The following CHL1 variants were observed in gnomAD, a reference collection of about 807,000 sequenced individuals.
The protein encoded by CHL1 is cell adhesion molecule L1 like, also known as neural cell adhesion molecule L1-like protein.
A neutral mutation model predicts 141.9 loss-of-function variants in CHL1; 96 were observed. That is an observed-to-expected ratio of 0.68 (90% CI 0.57 to 0.80). The LOEUF is 0.80. CHL1 is among the 30% of genes least tolerant of loss of function. CHL1 has a pLI of 0.00. For synonymous variants in CHL1, 613 were observed against 502.2 expected (o/e 1.22, Z -2.95); for missense variants, 1,820 against 1,457.2 (o/e 1.25, Z -4.05).
intron 2 of CHL1, among the ~76,000 whole-genome samples, chr3:281,543 T>C (rs1237043732): frequency 6.6e-6 from 1 of 150,386 alleles, no homozygotes; most frequent in East Asian, 1.9e-4. Flanking sequence ...ATTTGTTTTA[T>C]TTTTCCAATT....
In CHL1 at chr3:391,699, A is replaced by G; in HGVS notation, c.2816A>G (p.Lys939Arg). Residue 939 changes from lysine to arginine, a missense_variant, in exon 23 of 28, where the codon AAG becomes AGG. Lys to Arg is a conservative substitution (Grantham distance 26). Transcript: ENST00000256509. ...EGVPEQPTFL[K>R]VIKVDKDTAT... Reference sequence around the variant, plus strand: ...GTACCTGAACAGCCAACTTTTCTAAAGGTCATCAAAGTTGATAAAGACACT... The same window carrying G: ...GTACCTGAACAGCCAACTTTTCTAAGGGTCATCAAAGTTGATAAAGACACT... 6.2e-7 allele frequency: 1 copy of G among 1,605,066 alleles called. No individual in the cohort carries two copies. Among genetic ancestry groups the G allele is most frequent in the Non-Finnish European group, 8.5e-7 (1 of 1,175,056 alleles).
rs142693068 is a variant in CHL1, at chr3:294,416, C to A, written c.-94-25267C>A. Among the ~76,000 whole-genome samples the A allele has an allele frequency of 3.6e-4, 55 of 152,196 alleles. 1 individual carries two copies. The highest frequency in any genetic ancestry group is 1.2e-3 in the African/African-American group (51 of 41,516). On this transcript the variant is annotated intron_variant, in intron 2 of 27. Transcript: ENST00000256509. Reference sequence around the variant, plus strand: ...AACGAGGAAGGTAAATTAATCAGGACCTTCCCAAGTTACCCATGTAATATT... The same window carrying A: ...AACGAGGAAGGTAAATTAATCAGGAACTTCCCAAGTTACCCATGTAATATT...
At chr3:344,120 A>G (rs552539780) in intron 8 of CHL1, among the ~76,000 whole-genome samples, 1 of 152,296 alleles carries the variant, frequency 6.6e-6, no homozygotes, top group African/African-American at 2.4e-5. Flanking sequence ...AAATTCATAG[A>G]TGCCTAGTGT....
chr3:374,386 T>A (rs1048275913), intron 15 of CHL1, among the ~76,000 whole-genome samples: 4 of 152,196 alleles, frequency 2.6e-5, no homozygotes, highest in African/African-American at 9.6e-5. Context: ...GCCTAAATTC[T>A]GCCTCTTTTG....
At chr3:308,100 C>G (rs1241258345) in intron 2 of CHL1, among the ~76,000 whole-genome samples, 1 of 152,142 alleles carries the variant, frequency 6.6e-6, no homozygotes, top group Non-Finnish European at 1.5e-5. Flanking sequence ...GTTTTACATT[C>G]AGATCCATAT....
chr3:316,892 C>T (rs1159570808), intron 2 of CHL1, among the ~76,000 whole-genome samples: 1 of 151,972 alleles, frequency 6.6e-6, no homozygotes, highest in Non-Finnish European at 1.5e-5. Context: ...GCCATTGTTT[C>T]AAGAAAGATA....
chr3:362,670 G>A (rs1406011973), intron 13 of CHL1, among the ~76,000 whole-genome samples: 1 of 152,078 alleles, frequency 6.6e-6, no homozygotes, highest in Non-Finnish European at 1.5e-5. Flanking sequence ...CAAATGTACA[G>A]GGTAAATCAA....
At chr3:365,487 G>T (rs1410243690) in intron 14 of CHL1, among the ~76,000 whole-genome samples, 3 of 152,138 alleles carry the variant, frequency 2.0e-5, no homozygotes, top group African/African-American at 7.2e-5. Context: ...TTGCTTTCTA[G>T]TTCCCCACCT....
chr3:278,643 G>A (rs756743308), intron 2 of CHL1, among the ~76,000 whole-genome samples: 4 of 152,168 alleles, frequency 2.6e-5, no homozygotes, highest in Non-Finnish European at 4.4e-5. Flanking sequence ...TAAAAAGGAT[G>A]AGAATAAATT....
At chr3:321,617 C>T (rs1363271012) in intron 3 of CHL1, among the ~76,000 whole-genome samples, 2 of 152,054 alleles carry the variant, frequency 1.3e-5, no homozygotes, top group Admixed American at 1.3e-4. Flanking sequence ...TCATTTCTTA[C>T]TTTGTCAGTG....
intron 2 of CHL1, among the ~76,000 whole-genome samples, chr3:311,315 G>A (rs932029422): frequency 3.7e-4 from 56 of 151,372 alleles, no homozygotes; most frequent in African/African-American, 1.3e-3. Flanking sequence ...CATTGTGACT[G>A]CTTCAATAGT....
chr3:324,559 AT>A (rs1700848608), intron 3 of CHL1, among the ~76,000 whole-genome samples: 1 of 152,010 alleles, frequency 6.6e-6, no homozygotes, highest in Non-Finnish European at 1.5e-5. Context: ...ATTCTCAGAA[AT>A]GTAATCTCGC....
chr3:341,811 GA>G (rs1021933203), intron 6 of CHL1, 100 bp from the exon 7 acceptor site: 47 of 1,055,682 alleles, frequency 4.5e-5, no homozygotes, highest in Admixed American at 2.1e-4. Flanking sequence ...GAGCAAACAG[GA>G]AAAACCAAAT....
At chr3:310,256 C>T (rs934290685) in intron 2 of CHL1, among the ~76,000 whole-genome samples, 1 of 151,830 alleles carries the variant, frequency 6.6e-6, no homozygotes, top group African/African-American at 2.4e-5. Flanking sequence ...ATAGTGAGAC[C>T]CCTATCTCTA....
intron 3 of CHL1, among the ~76,000 whole-genome samples, chr3:325,745 G>A (rs1309591717): frequency 1.3e-5 from 2 of 152,046 alleles, no homozygotes; most frequent in Admixed American, 1.3e-4. Context: ...TAAATAAAAT[G>A]AACATATATT....
chr3:322,008 C>T (rs73009523), intron 3 of CHL1, among the ~76,000 whole-genome samples: 2,167 of 152,140 alleles, frequency 0.014, 33 homozygotes, highest in Non-Finnish European at 0.019. Context: ...GAATAATGTT[C>T]TAATAAACAA....
In CHL1 at chr3:408,567, A is replaced by G. The variant is rs1250231541; in HGVS notation, c.*2856A>G. 2.0e-5 allele frequency: 3 copies of G among 152,178 alleles called. No homozygotes were observed. Among genetic ancestry groups the G allele is most frequent in the African/African-American group, 4.8e-5 (2 of 41,466 alleles). The allele number at this position is 152,178 out of a possible 1,614,324, so 9.4% of individuals were successfully genotyped here. On this transcript the variant is annotated 3_prime_UTR_variant, in exon 28 of 28. Transcript: ENST00000256509. Reference sequence around the variant, plus strand: ...AAAAGCTAAGATGCCTTCTAACTTCATAAGCAAACCTTTAACTAATTATGT... The same window carrying G: ...AAAAGCTAAGATGCCTTCTAACTTCGTAAGCAAACCTTTAACTAATTATGT...
intron 1 of CHL1, among the ~76,000 whole-genome samples, chr3:216,217 G>C (rs1159756455): frequency 6.6e-6 from 1 of 152,096 alleles, no homozygotes; most frequent in Admixed American, 6.5e-5. Context: ...AGTGCTATGG[G>C]GGATATTGTC....
intron 5 of CHL1, among the ~76,000 whole-genome samples, chr3:332,335 A>C (rs1474769913): frequency 2.0e-5 from 3 of 152,208 alleles, no homozygotes; most frequent in Non-Finnish European, 2.9e-5. Context: ...TTTATTGTTA[A>C]ATTATAATGA....
Sources: gnomAD v4.1 joint callset for allele counts (sites outside exome capture counted in the v4.1 genomes callset) on GRCh38, gnomAD v4.1.1 for gene constraint, MANE v1.5 for transcripts, NCBI Gene and HGNC (gene_info 2026-07-23, HGNC 2026-07-21) for gene names.